The following INF2 variants were observed in gnomAD, a reference collection of about 807,000 sequenced individuals.
INF2 encodes the protein inverted formin 2, also known as inverted formin-2.
In INF2, 43 loss-of-function variants were observed where a neutral mutation model predicts 123.5. The observed-to-expected ratio is 0.35, with a 90% CI of 0.27 to 0.45. The LOEUF (loss-of-function observed/expected upper bound fraction) is 0.45, where lower values mean the gene tolerates loss of function less well. INF2 is among the 20% of genes least tolerant of loss of function. The pLI is 1.00. For missense variants in INF2, 1,453 were observed against 1,682.7 expected (o/e 0.86, Z 2.39); for synonymous variants, 851 against 745.0 (o/e 1.14, Z -2.32).
intron 2 of INF2, among the ~76,000 whole-genome samples, chr14:104,702,748 T>C (rs2140645286): frequency 6.6e-6 from 1 of 152,350 alleles, no homozygotes; most frequent in East Asian, 1.9e-4. Flanking sequence ...CCCCAGAACT[T>C]TCACAGCTCC....
chr14:104,711,306 G>A (rs1477849155), intron 15 of INF2, 120 bp downstream of exon 15: 5 of 884,098 alleles, frequency 5.7e-6, no homozygotes, highest in Non-Finnish European at 8.9e-6. Flanking sequence ...CCCTGTCTCA[G>A]GGCTCCGTCT....
intron 14 of INF2, 25 bp downstream of exon 14, chr14:104,711,032 C>T (rs1277329290): frequency 5.6e-6 from 9 of 1,610,858 alleles, no homozygotes; most frequent in Non-Finnish European, 7.6e-6. Flanking sequence ...GCTCCCCATC[C>T]CACCTGGTGC....
At chr14:104,702,092 G>A (rs1004251250) in intron 2 of INF2, among the ~76,000 whole-genome samples, 12 of 152,036 alleles carry the variant, frequency 7.9e-5, no homozygotes, top group African/African-American at 2.9e-4. Context: ...ACACCTCGGC[G>A]GCAGGAGTCA....
At chr14:104,692,235 C>T (rs963422924) in intron 1 of INF2, among the ~76,000 whole-genome samples, 12 of 152,224 alleles carry the variant, frequency 7.9e-5, no homozygotes, top group African/African-American at 2.9e-4. Context: ...CCCAGTGCGA[C>T]GTGGGTCCTG....
At chr14:104,696,859 T>C (rs1174122439) in intron 1 of INF2, among the ~76,000 whole-genome samples, 1 of 147,940 alleles carries the variant, frequency 6.8e-6, no homozygotes, top group African/African-American at 2.5e-5. Context: ...CAACGCTGGC[T>C]CAGGGCCCAG....
chr14:104,683,909 C>T (rs1463761864), intron 1 of INF2, among the ~76,000 whole-genome samples: 1 of 152,160 alleles, frequency 6.6e-6, no homozygotes, highest in Non-Finnish European at 1.5e-5. Context: ...AACACAGCTA[C>T]ACGCAGGCAG....
chr14:104,706,865 G>A (rs373569233), intron 6 of INF2, 45 bp from the exon 7 acceptor site: 6 of 1,595,624 alleles, frequency 3.8e-6, no homozygotes, highest in East Asian at 2.2e-5. Flanking sequence ...TAGTCCACCA[G>A]GGAGGGGCCG....
chr14:104,714,442 CCCCAGCCCTTGGA>C lies in INF2; in HGVS notation c.3281_3293del (p.Pro1094ArgfsTer6). 1 of 1,610,988 alleles carries C rather than the reference CCCCAGCCCTTGGA, an allele frequency of 6.2e-7. No individual in the cohort carries two copies. Among genetic ancestry groups the C allele is most frequent in the Non-Finnish European group, 8.5e-7 (1 of 1,179,016 alleles). On this transcript the variant is annotated frameshift_variant, in exon 21 of 23. Coordinates refer to ENST00000392634, the MANE Select transcript of INF2 (RefSeq NM_022489.4). LOFTEE classifies it high-confidence loss of function. ...CCTAACCACTGAGGATCCCCAGTGC[CCCCAGCCCTTGGA>C]GGGGGCCTGGCCGGTGACTCTGGGA...
chr14:104,684,357 C>T lies in INF2; in HGVS notation c.-104+2775C>T, dbSNP rs1266916113. The T allele has an allele frequency of 3.2e-6, 1 of 311,914 alleles. No homozygotes were observed. The highest frequency in any genetic ancestry group is 6.3e-6 in the Non-Finnish European group (1 of 157,600). The allele number at this position is 311,914 out of a possible 1,614,324, so 19.3% of individuals were successfully genotyped here. A position where few individuals can be genotyped will look rare whatever the true frequency, so the allele number is the denominator to read the frequency against. On this transcript the variant is annotated intron_variant, in intron 1 of 2. Transcript: ENST00000674723. The surrounding 1 kb of genome is among the most constrained non-coding windows in gnomAD (Gnocchi z 5.0). ...GAGGCCCACCAGCTCTGCCAGCACC[C>T]GGCCTCTGCACCTCAGCTTTCAGCG...
chr14:104,695,951 T>C (rs778188434), intron 1 of INF2, among the ~76,000 whole-genome samples: 2 of 152,194 alleles, frequency 1.3e-5, no homozygotes, highest in Non-Finnish European at 2.9e-5. Flanking sequence ...CTGTGAGATG[T>C]TGCTGTCTTT....
In INF2 at chr14:104,720,359, GGA is replaced by G. The variant is rs1566789593; in HGVS notation, c.*1567_*1568del. On this transcript the variant is annotated 3_prime_UTR_variant, in exon 23 of 23. Transcript: ENST00000392634. ...GTAGTCCTCGTGTGGATGCTGCTGT[GGA>G]CGTCTGCGTCGTCCTCGTGTGGATG... 5.2e-5 allele frequency: 9 copies of G among 172,384 alleles called. No homozygotes were observed. 10.7% of individuals were successfully genotyped at this position (172,384 alleles called of 1,614,324 possible). A position where few individuals can be genotyped will look rare whatever the true frequency, so the allele number is the denominator to read the frequency against.
Position 104,706,152 on chromosome 14 carries a change from G to T in INF2, c.819G>T (p.Glu273Asp). Residue 273 changes from glutamate (E) to aspartate (D), a missense_variant, in exon 6 of 23, where the codon GAG (glutamate) becomes GAT (aspartate). By Grantham distance (45) the Glu-to-Asp change is conservative. Around this residue, in one of 8 missense-constraint regions of INF2, gnomAD observed 251 missense variants for 349.4 expected, o/e 0.72. Coordinates refer to ENST00000392634, the MANE Select transcript of INF2 (RefSeq NM_022489.4). ...SGGVDMSSHQ[E>D]VFASLFHKVS... ...GGGTCGACATGAGCAGCCACCAGGA[G>T]GTCTTTGCCTCCCTGTTCCACAAGG... The T allele has an allele frequency of 6.3e-7, 1 of 1,595,792 alleles. No homozygotes were observed. The highest frequency in any genetic ancestry group is 1.1e-5 in the South Asian group (1 of 88,302).
chr14:104,689,576 GCACCTCCTCTTCCTCCC>G, upstream of INF2: 1 of 938,656 alleles, frequency 1.1e-6, no homozygotes, highest in Non-Finnish European at 1.3e-6. Context: ...GGGCGGGGCG[GCACCTCCTCTTCCTCCC>G]GCCCGCCCCG....
At chr14:104,696,853 G>A (rs544259969) in intron 1 of INF2, among the ~76,000 whole-genome samples, 8 of 146,578 alleles carry the variant, frequency 5.5e-5, no homozygotes, top group African/African-American at 1.5e-4. Context: ...CACCACCAAC[G>A]CTGGCTCAGG....
chr14:104,689,243 G>A (rs1888800422), upstream of INF2: 1 of 985,428 alleles, frequency 1.0e-6, no homozygotes, highest in African/African-American at 1.7e-5. Context: ...GGGGCAGAGA[G>A]AGGTGAGCGG....
intron 1 of INF2, among the ~76,000 whole-genome samples, chr14:104,696,672 C>G (rs1423738586): frequency 6.6e-6 from 1 of 152,128 alleles, no homozygotes; most frequent in Admixed American, 6.5e-5. Context: ...CGGGGTGCTG[C>G]CAGGAACGCG....
rs1888602437 is a variant in INF2, at chr14:104,684,135, TC to T, written c.-104+2557del. 2.2e-6 allele frequency: 1 copy of T among 455,498 alleles called. No homozygotes were observed. The highest frequency in any genetic ancestry group is 4.4e-6 in the Non-Finnish European group (1 of 226,606). 28.2% of individuals were successfully genotyped at this position (455,498 alleles called of 1,614,324 possible). ...AAGACAGTTCAAAGCTGAGCGGCTC[TC>T]CCCATCATGCAAGTAACCTGCGTGC... is the stretch of plus-strand genomic sequence containing the variant. On this transcript the variant is annotated intron_variant, in intron 1 of 2. Transcript: ENST00000674723. This position sits in a 1 kb window ranked among gnomAD's most constrained non-coding sequence, Gnocchi z 5.0.
intron 22 of INF2, among the ~76,000 whole-genome samples, chr14:104,715,556 C>T (rs761134240): frequency 6.6e-6 from 1 of 152,180 alleles, no homozygotes; most frequent in Non-Finnish European, 1.5e-5. Flanking sequence ...GTGCCTCCTG[C>T]AGGCAGGACG....
chr14:104,712,809 C>T lies in INF2; in HGVS notation c.2611-19C>T, dbSNP rs1204857582. On this transcript the variant is annotated intron_variant, in intron 17 of 22. Transcript: ENST00000392634. ...CCGCGCGGGGCTCTCACGGGACTGTCACGTGCCCTTGCCCCCAGGCCAGCA... is the reference window on the plus strand; with the variant it reads ...CCGCGCGGGGCTCTCACGGGACTGTTACGTGCCCTTGCCCCCAGGCCAGCA... The T allele has an allele frequency of 6.2e-7, 1 of 1,600,788 alleles. No homozygotes were observed. The highest frequency in any genetic ancestry group is 2.2e-5 in the East Asian group (1 of 44,568).
Sources: allele counts gnomAD v4.1 joint callset (sites outside exome capture counted in the v4.1 genomes callset), GRCh38; gene constraint gnomAD v4.1.1; regional missense constraint gnomAD v4.1.1; non-coding constraint Gnocchi (gnomAD v3.1); transcripts MANE v1.5; gene names NCBI Gene and HGNC (gene_info 2026-07-23, HGNC 2026-07-21).